PTPRT: variants seen among roughly 807,000 people sequenced by gnomAD.
The protein encoded by PTPRT is receptor-type tyrosine-protein phosphatase T.
A neutral mutation model predicts 176.8 loss-of-function variants in PTPRT; 56 were observed. The observed-to-expected ratio is 0.32, with a 90% CI of 0.26 to 0.40. The LOEUF is 0.40. PTPRT is among the 10% of genes least tolerant of loss of function. The probability of loss-of-function intolerance (pLI) is 1.00; values close to 1 mark genes in which losing one functional copy is unlikely to be tolerated. For synonymous variants in PTPRT, 783 were observed against 739.0 expected (o/e 1.06, Z -0.96); for missense variants, 1,540 against 1,908.2 (o/e 0.81, Z 3.60).
At chr20:42,141,228 T>C (rs940019492) in intron 18 of PTPRT, among the ~76,000 whole-genome samples, 11 of 152,138 alleles carry the variant, frequency 7.2e-5, no homozygotes, top group South Asian at 2.1e-4. Context: ...TGCCCTACTA[T>C]AGTGGGGACA....
At chr20:42,445,661 C>G (rs1395356362) in intron 9 of PTPRT, among the ~76,000 whole-genome samples, 4 of 152,214 alleles carry the variant, frequency 2.6e-5, no homozygotes, top group Non-Finnish European at 4.4e-5. Context: ...CAACCAGTTA[C>G]AATACTCTGG....
intron 5 of PTPRT, among the ~76,000 whole-genome samples, chr20:42,763,063 G>C (rs1001148043): frequency 6.6e-6 from 1 of 152,158 alleles, no homozygotes; most frequent in African/African-American, 2.4e-5. Flanking sequence ...CCCCAGGCAA[G>C]ACCCCTCTAT....
rs563454196 is a variant in PTPRT, at chr20:42,958,862, T to C, written c.89-72930A>G. ...ACCCACTTTTTCAAGGTGGCAACTCTGCCTCTGCAGCCTTAATATAGCTCA... is the reference window on the plus strand; with the variant it reads ...ACCCACTTTTTCAAGGTGGCAACTCCGCCTCTGCAGCCTTAATATAGCTCA... On this transcript the variant is annotated intron_variant, in intron 1 of 30. Transcript: ENST00000373187. 3.3e-5 allele frequency among the ~76,000 whole-genome samples: 5 copies of C among 152,336 alleles called. No homozygotes were observed. In the South Asian group the frequency reaches 6.2e-4, roughly 19 times the overall value.
chr20:42,673,309 C>T (rs938538591), intron 7 of PTPRT, among the ~76,000 whole-genome samples: 3 of 152,202 alleles, frequency 2.0e-5, no homozygotes, highest in Non-Finnish European at 4.4e-5. Flanking sequence ...TGTCACTATA[C>T]ATAAGTTAGT....
chr20:42,336,600 C>A (rs777156066), intron 11 of PTPRT, among the ~76,000 whole-genome samples: 5 of 152,192 alleles, frequency 3.3e-5, no homozygotes, highest in South Asian at 4.1e-4. Context: ...CACTGTAGTT[C>A]AATTTTTTTC....
At chr20:42,451,979 T>C (rs191458485) in intron 8 of PTPRT, among the ~76,000 whole-genome samples, 1 of 151,922 alleles carries the variant, frequency 6.6e-6, no homozygotes, top group African/African-American at 2.4e-5. Context: ...AGAAAAAGAT[T>C]CAAAATAGAG....
At chr20:42,061,508 T>C in the PTPRT span, among the ~76,000 whole-genome samples, 17 of 152,248 alleles carry the variant, frequency 1.1e-4, no homozygotes, top group African/African-American at 4.1e-4. Flanking sequence ...TACTGGAGTC[T>C]TGCATTTTAT....
chr20:42,753,396 C>T (rs2076790557), intron 6 of PTPRT, among the ~76,000 whole-genome samples: 1 of 152,170 alleles, frequency 6.6e-6, no homozygotes. Flanking sequence ...TCCTAGCTTA[C>T]CACCATCATA....
chr20:42,941,173 G>T (rs1980529783), intron 1 of PTPRT, among the ~76,000 whole-genome samples: 2 of 151,862 alleles, frequency 1.3e-5, no homozygotes, highest in South Asian at 4.2e-4. Flanking sequence ...TTATTCCTAG[G>T]TAAGTCTGGT....
At chr20:42,176,263 T>C (rs1167461027) in intron 16 of PTPRT, among the ~76,000 whole-genome samples, 1 of 152,216 alleles carries the variant, frequency 6.6e-6, no homozygotes, top group Non-Finnish European at 1.5e-5. Context: ...CTGTCATGTC[T>C]TCTAATTCTT....
chr20:42,097,900 C>CT (rs781313890), intron 27 of PTPRT, among the ~76,000 whole-genome samples: 1 of 152,164 alleles, frequency 6.6e-6, no homozygotes, highest in Non-Finnish European at 1.5e-5. Context: ...AACAGAGGGG[C>CT]TAAGGCAGGA....
intron 7 of PTPRT, among the ~76,000 whole-genome samples, chr20:42,545,387 C>T (rs2072656644): frequency 6.6e-6 from 1 of 152,186 alleles, no homozygotes. Context: ...CAGCTGACAG[C>T]AGTGTGTGCA....
intron 2 of PTPRT, among the ~76,000 whole-genome samples, chr20:42,878,946 G>A (rs537633109): frequency 1.3e-5 from 2 of 152,174 alleles, no homozygotes; most frequent in African/African-American, 4.8e-5. Flanking sequence ...GGAGAATGGC[G>A]TGAATCTGGG....
chr20:43,097,983 G>A (rs1026637478), intron 1 of PTPRT, among the ~76,000 whole-genome samples: 1 of 152,118 alleles, frequency 6.6e-6, no homozygotes, highest in Non-Finnish European at 1.5e-5. Context: ...GGAGGCTTCC[G>A]AAGATGACCC....
At chr20:42,920,279 G>C (rs1295359792) in intron 1 of PTPRT, among the ~76,000 whole-genome samples, 2 of 152,116 alleles carry the variant, frequency 1.3e-5, no homozygotes, top group Non-Finnish European at 2.9e-5. Context: ...TAGACTAACT[G>C]AAAAAGTCAA....
chr20:42,142,567 C>A (rs1988678450), intron 17 of PTPRT, among the ~76,000 whole-genome samples: 1 of 152,050 alleles, frequency 6.6e-6, no homozygotes, highest in African/African-American at 2.4e-5. Context: ...CCTCCCTTAT[C>A]CTTGGAGGAT....
intron 7 of PTPRT, among the ~76,000 whole-genome samples, chr20:42,668,540 AG>A (rs2075356306): frequency 2.0e-5 from 3 of 152,016 alleles, no homozygotes; most frequent in Admixed American, 1.3e-4. Flanking sequence ...AAAGAGAGAG[AG>A]CTTTATGTTT....
intron 1 of PTPRT, among the ~76,000 whole-genome samples, chr20:43,172,514 G>C (rs186078967): frequency 2.1e-3 from 317 of 152,238 alleles, no homozygotes; most frequent in Non-Finnish European, 3.1e-3. Context: ...TATGTCCTAG[G>C]AACCATCTCC....
chr20:42,883,379 T>C (rs1011578329), intron 2 of PTPRT, among the ~76,000 whole-genome samples: 9 of 151,850 alleles, frequency 5.9e-5, no homozygotes, highest in East Asian at 1.9e-4. Flanking sequence ...AAGTGATTGA[T>C]TGGAAAAGTG....
Sources: gnomAD v4.1 joint callset for allele counts (sites outside exome capture counted in the v4.1 genomes callset) on GRCh38, gnomAD v4.1.1 for gene constraint, MANE v1.5 for transcripts, NCBI Gene and HGNC (gene_info 2026-07-23, HGNC 2026-07-21) for gene names.